The following SVOPL variants were observed in gnomAD, a reference collection of about 807,000 sequenced individuals.
SVOPL encodes the protein putative transporter SVOPL.
SVOPL carries 60 observed loss-of-function variants against 61.0 expected under a neutral mutation model. The ratio of observed to expected loss-of-function variants is 0.98; its 90% CI spans 0.80 to 1.22. SVOPL has a LOEUF of 1.22. SVOPL is among the 50% of genes most tolerant of loss of function. The pLI is 0.00. For synonymous variants in SVOPL, 279 were observed against 250.0 expected, an observed-to-expected ratio of 1.12 and a Z score of -1.09; for missense variants, 662 against 643.9, an observed-to-expected ratio of 1.03 and a Z score of -0.30.
intron 8 of SVOPL, among the ~76,000 whole-genome samples, chr7:138,647,184 GC>G (rs1801160209): frequency 6.6e-6 from 1 of 152,150 alleles, no homozygotes; most frequent in African/African-American, 2.4e-5. Flanking sequence ...GACCAGCCTG[GC>G]CAACATGGTG....
intron 10 of SVOPL, among the ~76,000 whole-genome samples, chr7:138,629,233 CATG>C (rs1222407545): frequency 3.7e-5 from 3 of 81,240 alleles, no homozygotes; most frequent in East Asian, 6.4e-4. Context: ...TCAGGCTCTT[CATG>C]ATTTTTTTTT....
chr7:138,656,638 A>T (rs377675916), intron 6 of SVOPL, 127 bp from the exon 7 acceptor site: 15 of 969,464 alleles, frequency 1.5e-5, no homozygotes, highest in East Asian at 1.3e-4. Flanking sequence ...ATATATCAGA[A>T]GAGAATTATG....
At chr7:138,643,695 T>C (rs1164414064) in intron 9 of SVOPL, among the ~76,000 whole-genome samples, 1 of 150,294 alleles carries the variant, frequency 6.7e-6, no homozygotes, top group Non-Finnish European at 1.5e-5. Flanking sequence ...GTGTGAGGGA[T>C]CTAGAATAGT....
At chr7:138,655,632 A>G (rs1471828103) in intron 7 of SVOPL, among the ~76,000 whole-genome samples, 1 of 88,176 alleles carries the variant, frequency 1.1e-5, no homozygotes, top group Admixed American at 1.4e-4. Flanking sequence ...ATAAATGTAT[A>G]TATACTATTA....
chr7:138,617,239 G>A (rs1296410062), intron 14 of SVOPL, among the ~76,000 whole-genome samples: 1 of 152,094 alleles, frequency 6.6e-6, no homozygotes, highest in Non-Finnish European at 1.5e-5. Flanking sequence ...CAAAGTGCTG[G>A]GATTACAGGT....
chr7:138,649,050 C>G lies in SVOPL; in HGVS notation c.622G>C (p.Ala208Pro), dbSNP rs1256191551. Residue 208 changes from alanine (A) to proline (P), a missense_variant, in exon 8 of 16, where the codon GCC (alanine) becomes CCC (proline). Coordinates refer to ENST00000674285, the MANE Select transcript of SVOPL (RefSeq NM_001139456.2). ...TIGWRWLIRV[A>P]SIPGIILIVA... is the part of the protein sequence containing the mutation. Reference sequence around the variant, plus strand: ...ATGAGGATGATGCCCGGGATGGAGGCGACGCGAATGAGCCAGCGCCACCCG... The same window carrying G: ...ATGAGGATGATGCCCGGGATGGAGGGGACGCGAATGAGCCAGCGCCACCCG... The G allele has an allele frequency of 6.2e-7, 1 of 1,613,494 alleles. No individual in the cohort carries two copies. Among genetic ancestry groups the G allele is most frequent in the South Asian group, 1.1e-5 (1 of 91,040 alleles).
chr7:138,643,571 A>G (rs947138045), intron 9 of SVOPL, among the ~76,000 whole-genome samples: 4 of 152,206 alleles, frequency 2.6e-5, no homozygotes, highest in African/African-American at 7.2e-5. Context: ...ATGAAATATT[A>G]TTCAGCCTTA....
intron 13 of SVOPL, chr7:138,625,258 C>T (rs897890048): frequency 1.3e-5 from 2 of 152,062 alleles, no homozygotes; most frequent in Non-Finnish European, 2.9e-5. Flanking sequence ...CTTTTCTCTG[C>T]GGGTTTAATG....
intron 3 of SVOPL, among the ~76,000 whole-genome samples, chr7:138,677,469 T>C (rs561579834): frequency 6.6e-6 from 1 of 152,198 alleles, no homozygotes; most frequent in African/African-American, 2.4e-5. Flanking sequence ...TAACATTATG[T>C]GAAAAAGAAA....
intron 14 of SVOPL, among the ~76,000 whole-genome samples, chr7:138,602,667 C>T (rs1798580649): frequency 6.6e-6 from 1 of 151,828 alleles, no homozygotes; most frequent in Non-Finnish European, 1.5e-5. Flanking sequence ...TCCTTTGGTG[C>T]CAGCAGGAGG....
At chr7:138,605,395 C>A (rs1798708271) in intron 14 of SVOPL, among the ~76,000 whole-genome samples, 1 of 151,674 alleles carries the variant, frequency 6.6e-6, no homozygotes, top group South Asian at 2.1e-4. Context: ...GGTGCAGTGG[C>A]TCACGCCTGT....
At chr7:138,631,058 A>T (rs1037673957) in intron 9 of SVOPL, among the ~76,000 whole-genome samples, 5 of 152,006 alleles carry the variant, frequency 3.3e-5, no homozygotes, top group African/African-American at 1.2e-4. Context: ...GAAAACCAAC[A>T]GCTCTTTTCT....
intron 1 of SVOPL, among the ~76,000 whole-genome samples, chr7:138,686,747 A>G (rs1316802515): frequency 1.3e-5 from 2 of 151,928 alleles, no homozygotes; most frequent in African/African-American, 4.8e-5. Flanking sequence ...TATTTTTAGT[A>G]GAGACGGGGT....
intron 13 of SVOPL, among the ~76,000 whole-genome samples, chr7:138,622,094 C>CTATG (rs1563096191): frequency 2.1e-5 from 1 of 46,772 alleles, no homozygotes. Flanking sequence ...ATCTATGTAT[C>CTATG]TATCTATCTA....
intron 8 of SVOPL, among the ~76,000 whole-genome samples, chr7:138,645,360 C>T (rs934033963): frequency 1.3e-5 from 2 of 152,108 alleles, no homozygotes; most frequent in Non-Finnish European, 2.9e-5. Context: ...CACTGAAGCT[C>T]GAGAATCAAC....
chr7:138,693,565 G>A (rs1221118408), intron 1 of SVOPL, among the ~76,000 whole-genome samples: 1 of 95,374 alleles, frequency 1.0e-5, no homozygotes, highest in African/African-American at 6.0e-5. Flanking sequence ...AAGAAAGAAA[G>A]AAAGAAAGAA....
chr7:138,681,658 T>C (rs148005872), intron 1 of SVOPL, among the ~76,000 whole-genome samples: 3,106 of 152,102 alleles, frequency 0.02, 51 homozygotes, highest in Non-Finnish European at 0.028. Flanking sequence ...ACCCCGTCTC[T>C]ACTAGAAATG....
intron 1 of SVOPL, among the ~76,000 whole-genome samples, chr7:138,688,680 T>C (rs1422305130): frequency 6.6e-6 from 1 of 152,164 alleles, no homozygotes; most frequent in East Asian, 1.9e-4. Flanking sequence ...AGAACCATTG[T>C]GTGTTGCTGG....
chr7:138,700,807 G>C (rs1400052477), intron 1 of SVOPL, among the ~76,000 whole-genome samples: 1 of 152,108 alleles, frequency 6.6e-6, no homozygotes. Context: ...TTCCTAAAAA[G>C]CTACAATGGG....
Sources: gnomAD v4.1 joint callset for allele counts (sites outside exome capture counted in the v4.1 genomes callset) on GRCh38, gnomAD v4.1.1 for gene constraint, MANE v1.5 for transcripts, NCBI Gene and HGNC (gene_info 2026-07-23, HGNC 2026-07-21) for gene names.